ST3GAL2: variants seen among roughly 807,000 people sequenced by gnomAD.
The protein encoded by ST3GAL2 is ST3 beta-galactoside alpha-2,3-sialyltransferase 2.
Under a neutral mutation model 37.5 loss-of-function variants are expected in ST3GAL2, and 16 were observed. That is an observed-to-expected ratio of 0.43 (90% CI 0.29 to 0.65). The LOEUF (loss-of-function observed/expected upper bound fraction) is 0.65, where lower values mean the gene tolerates loss of function less well. ST3GAL2 is among the 30% of genes least tolerant of loss of function. The pLI, the probability that ST3GAL2 is intolerant of heterozygous loss-of-function variation, is 0.17. For synonymous variants in ST3GAL2, 238 were observed against 202.9 expected, an observed-to-expected ratio of 1.17 and a Z score of -1.47; for missense variants, 383 against 487.8, an observed-to-expected ratio of 0.79 and a Z score of 2.02.
intron 3 of ST3GAL2, among the ~76,000 whole-genome samples, chr16:70,393,464 C>A (rs2047495260): frequency 1.3e-5 from 2 of 152,208 alleles, no homozygotes; most frequent in Admixed American, 1.3e-4. Flanking sequence ...GGGCTTCCAC[C>A]CAGGAGCTTC....
intron 1 of ST3GAL2, among the ~76,000 whole-genome samples, chr16:70,436,175 C>G (rs1041870853): frequency 6.8e-6 from 1 of 146,650 alleles, no homozygotes; most frequent in Non-Finnish European, 1.5e-5. Context: ...CGCCTGTAAT[C>G]CCAGCACTTT....
chr16:70,431,369 T>C (rs563122748), intron 1 of ST3GAL2, among the ~76,000 whole-genome samples: 1 of 152,326 alleles, frequency 6.6e-6, no homozygotes, highest in East Asian at 1.9e-4. Flanking sequence ...CTAGGACTGC[T>C]CAGTCAAGAG....
Position 70,385,894 on chromosome 16 carries a change from A to T in ST3GAL2, c.713+2473T>A, listed in dbSNP as rs573693806. ...GCTAATTTTTGTATTTTTTGCAGAG[A>T]CAGAGTTTCGCCATGTTGCCCAAGG... On this transcript the variant is annotated intron_variant, in intron 4 of 6. Transcript: ENST00000342907. Among the ~76,000 whole-genome samples the T allele has an allele frequency of 2.0e-5, 3 of 151,816 alleles. No homozygotes were observed. The East Asian group carries it at 5.8e-4, about 29-fold the overall frequency.
At position 70,401,555 on chromosome 16, in the gene ST3GAL2, C is replaced by G. The variant is rs544579500; in HGVS notation, c.-1003-2022G>C. Among the ~76,000 whole-genome samples, 41 of 152,278 alleles carry G rather than the reference C, an allele frequency of 2.7e-4. 2 individuals carry two copies. The South Asian group carries it at 8.5e-3, about 32-fold the overall frequency. On this transcript the variant is annotated intron_variant, in intron 1 of 6. Transcript: ENST00000342907. ...AAAATCAAAGGCCCCCAAACATGCA[C>G]TAAAAATCCCAAAAATGACCTGGCA...
rs897249129 is a variant in ST3GAL2 at position 70,379,118 on chromosome 16, G to A, written c.*2571C>T. 6 of 152,244 alleles carry A rather than the reference G, an allele frequency of 3.9e-5. No homozygotes were observed. The highest frequency in any genetic ancestry group is 9.6e-5 in the African/African-American group (4 of 41,452). 9.4% of individuals were successfully genotyped at this position (152,244 alleles called of 1,614,324 possible). ...TGACTTAGATGCACTTCCCTGAGAG[G>A]TGGGGACAGCCCAGCCTGTGGCCAC... On this transcript the variant is annotated 3_prime_UTR_variant, in exon 7 of 7. Transcript: ENST00000342907.
chr16:70,435,208 T>G (rs1330105837), intron 1 of ST3GAL2, among the ~76,000 whole-genome samples: 1 of 152,166 alleles, frequency 6.6e-6, no homozygotes, highest in Non-Finnish European at 1.5e-5. Flanking sequence ...TTACCAATCC[T>G]GGGCAACATC....
chr16:70,411,384 T>A (rs868747284), intron 1 of ST3GAL2, among the ~76,000 whole-genome samples: 1,857 of 130,192 alleles, frequency 0.014, 40 homozygotes, highest in African/African-American at 0.046. Flanking sequence ...CAATAAAAAA[T>A]AAAAAAAAAA....
In ST3GAL2 at chr16:70,378,071, AAAC is replaced by A. The variant is rs1444518173; in HGVS notation, c.*3615_*3617del. ...ACAAAATATTTGGAACACACCCAAA[AAAC>A]TGGATGAAAAAGCTCCCATTTTAGC... On this transcript the variant is annotated 3_prime_UTR_variant, in exon 7 of 7. Transcript: ENST00000342907. 1 of 152,208 alleles carries A rather than the reference AAAC, an allele frequency of 6.6e-6. No homozygotes were observed. The highest frequency in any genetic ancestry group is 2.4e-5 in the African/African-American group (1 of 41,454). The allele number at this position is 152,208 out of a possible 1,614,324, so 9.4% of individuals were successfully genotyped here.
At chr16:70,429,520 C>T (rs965211078) in intron 1 of ST3GAL2, among the ~76,000 whole-genome samples, 11 of 131,158 alleles carry the variant, frequency 8.4e-5, no homozygotes, top group Non-Finnish European at 3.1e-5. Flanking sequence ...ACCCGGGAGG[C>T]GGAGCTTGCA....
At chr16:70,429,243 C>G (rs1490373815) in intron 1 of ST3GAL2, among the ~76,000 whole-genome samples, 1 of 152,174 alleles carries the variant, frequency 6.6e-6, no homozygotes, top group African/African-American at 2.4e-5. Context: ...CCAGTACTAC[C>G]TCCCCACTCA....
chr16:70,384,722 A>C lies in ST3GAL2; in HGVS notation c.714-1487T>G, dbSNP rs910350124. Reference sequence around the variant, plus strand: ...CTCTGTCTCAAAAAAAAAAAAAAAAAAAAACACAATAGTCAAATCAGGCTG... The same window carrying C: ...CTCTGTCTCAAAAAAAAAAAAAAAACAAAACACAATAGTCAAATCAGGCTG... On this transcript the variant is annotated intron_variant, in intron 4 of 6. Transcript: ENST00000342907. Among the ~76,000 whole-genome samples, 191 of 149,414 alleles carry C rather than the reference A, an allele frequency of 1.3e-3. 1 individual carries two copies. The highest frequency in any genetic ancestry group is 4.4e-3 in the African/African-American group (177 of 40,444).
intron 2 of ST3GAL2, 31 bp from the exon 3 acceptor site, chr16:70,395,206 G>A: frequency 6.3e-7 from 1 of 1,582,524 alleles, no homozygotes; most frequent in Non-Finnish European, 8.6e-7. Context: ...TGGGAAACGA[G>A]GAAGGGGAGA....
intron 1 of ST3GAL2, among the ~76,000 whole-genome samples, chr16:70,410,808 G>GT (rs35994886): frequency 0.087 from 8,944 of 103,214 alleles, 589 homozygotes; most frequent in South Asian, 0.15. Flanking sequence ...TTTAGATCCT[G>GT]TTTTTTTTTT....
At chr16:70,419,683 G>A (rs2047700535) in intron 1 of ST3GAL2, among the ~76,000 whole-genome samples, 1 of 152,212 alleles carries the variant, frequency 6.6e-6, no homozygotes, top group South Asian at 2.1e-4. Flanking sequence ...CAGCCTGGCG[G>A]CCAGAGGTCA....
chr16:70,394,319 T>C (rs1399317273), intron 3 of ST3GAL2, among the ~76,000 whole-genome samples: 1 of 152,174 alleles, frequency 6.6e-6, no homozygotes, highest in East Asian at 1.9e-4. Flanking sequence ...TAGCTGGGCT[T>C]GGGGCCCTCA....
At chr16:70,408,890 C>CAAAAAGAAAAAAAAAAAAAAAA (rs2047613207) in intron 1 of ST3GAL2, among the ~76,000 whole-genome samples, 1 of 59,856 alleles carries the variant, frequency 1.7e-5, no homozygotes, top group Non-Finnish European at 3.5e-5. Context: ...CTCAAAGAAA[C>CAAAAAGAAAAAAAAAAAAAAAA]AAAAAAAAAA....
intron 3 of ST3GAL2, among the ~76,000 whole-genome samples, chr16:70,394,364 A>G (rs915249066): frequency 3.0e-4 from 46 of 152,226 alleles, no homozygotes; most frequent in African/African-American, 1.1e-3. Context: ...TGAGGAGGAC[A>G]GGGCCGGCTT....
rs1258398400 is a variant in ST3GAL2, at chr16:70,398,969, G to A, written c.-439C>T. The A allele has an allele frequency of 2.9e-5, 12 of 413,432 alleles. No homozygotes were observed. The highest frequency in any genetic ancestry group is 3.4e-5 in the East Asian group (1 of 29,102). The allele number at this position is 413,432 out of a possible 1,614,324, so 25.6% of individuals were successfully genotyped here. On this transcript the variant is annotated 5_prime_UTR_variant, in exon 2 of 7. Coordinates refer to ENST00000342907, the MANE Select transcript of ST3GAL2 (RefSeq NM_006927.4). ...GTGGTTCATGAGCAGACAATGAGGC[G>A]GCCCCTCGTTCCCGGCAGCGGGGAA... is the stretch of plus-strand genomic sequence containing the variant.
chr16:70,423,400 C>T (rs944908962), intron 1 of ST3GAL2, among the ~76,000 whole-genome samples: 5 of 152,116 alleles, frequency 3.3e-5, no homozygotes, highest in African/African-American at 1.2e-4. Flanking sequence ...ATCCCTGCTA[C>T]TGGGGAGGCT....
Sources: allele counts gnomAD v4.1 joint callset (sites outside exome capture counted in the v4.1 genomes callset), GRCh38; gene constraint gnomAD v4.1.1; transcripts MANE v1.5; gene names NCBI Gene and HGNC (gene_info 2026-07-23, HGNC 2026-07-21).